Variants in PPEF1 observed in about 807,000 individuals in gnomAD.
PPEF1 encodes serine/threonine-protein phosphatase with EF-hands 1.
PPEF1 carries 12 observed loss-of-function variants against 53.3 expected under a neutral mutation model. That is an observed-to-expected ratio of 0.23 (90% CI 0.14 to 0.36). The LOEUF (loss-of-function observed/expected upper bound fraction) is 0.36, where lower values mean the gene tolerates loss of function less well. PPEF1 is among the 10% of genes least tolerant of loss of function. The pLI, the probability that PPEF1 is intolerant of heterozygous loss-of-function variation, is 1.00. For missense variants in PPEF1, 334 were observed against 490.4 expected, an observed-to-expected ratio of 0.68 and a Z score of 3.01; for synonymous variants, 165 against 176.7, an observed-to-expected ratio of 0.93 and a Z score of 0.52.
At chrX:18,776,877 G>A (rs1330326299) in intron 6 of PPEF1, among the ~76,000 whole-genome samples, 4 of 111,268 alleles carry the variant, frequency 3.6e-5, no homozygotes, top group South Asian at 3.8e-4. Context: ...CTGAGATCGC[G>A]CCATTGCACT....
At chrX:18,711,008 GTGTGTGTGTA>G (rs1242334446) in intron 1 of PPEF1, among the ~76,000 whole-genome samples, 5 of 108,899 alleles carry the variant, frequency 4.6e-5, no homozygotes, top group African/African-American at 1.7e-4. Context: ...GTATATATGT[GTGTGTGTGTA>G]TGTGTGTGTA....
chrX:18,685,970 T>G (rs1208434302), intron 2 of PPEF1, among the ~76,000 whole-genome samples: 2 of 111,639 alleles, frequency 1.8e-5, no homozygotes, highest in Non-Finnish European at 3.8e-5. Context: ...TGAAAATTGA[T>G]TGTGAATCTT....
At chrX:18,826,104 C>T (rs1158473969) in intron 15 of PPEF1, among the ~76,000 whole-genome samples, 1 of 111,576 alleles carries the variant, frequency 9.0e-6, no homozygotes, top group East Asian at 2.8e-4. Context: ...TAATCTGGTT[C>T]TCTGAAATCA....
intron 6 of PPEF1, among the ~76,000 whole-genome samples, chrX:18,762,217 G>T (rs1035410195): frequency 9.0e-6 from 1 of 111,292 alleles, no homozygotes; most frequent in African/African-American, 3.3e-5. Context: ...TTTGCTTCAG[G>T]GATGGCTGAC....
intron 13 of PPEF1, among the ~76,000 whole-genome samples, chrX:18,819,235 T>A (rs1045503558): frequency 8.9e-6 from 1 of 112,002 alleles, no homozygotes; most frequent in East Asian, 2.8e-4. Flanking sequence ...AGCAAATAAA[T>A]ATGTTCAAAG....
chrX:18,813,303 C>T (rs746643375), intron 12 of PPEF1, among the ~76,000 whole-genome samples: 92 of 101,235 alleles, frequency 9.1e-4, no homozygotes, highest in African/African-American at 3.2e-3. Context: ...GGCTTGAACC[C>T]GGGAGGCGGA....
chrX:18,806,676 T>C (rs2239437), intron 12 of PPEF1, 131 bp downstream of exon 12: 3 of 671,593 alleles, frequency 4.5e-6, no homozygotes, highest in Non-Finnish European at 6.2e-6. Context: ...CAACAAAATG[T>C]AAATAGTTCC....
chrX:18,754,244 A>T (rs1238368215), intron 4 of PPEF1, among the ~76,000 whole-genome samples: 1 of 111,387 alleles, frequency 9.0e-6, no homozygotes, highest in African/African-American at 3.3e-5. Context: ...AGTATTTTCC[A>T]GAGTTCTGAC....
intron 12 of PPEF1, among the ~76,000 whole-genome samples, chrX:18,812,708 T>C (rs912095234): frequency 5.3e-5 from 6 of 112,168 alleles, no homozygotes; most frequent in African/African-American, 1.6e-4. Context: ...TTTGCTAAAT[T>C]TATTTCTAAA....
intron 13 of PPEF1, among the ~76,000 whole-genome samples, chrX:18,822,973 T>G (rs111901974): frequency 9.0e-6 from 1 of 111,495 alleles, no homozygotes; most frequent in African/African-American, 3.3e-5. Flanking sequence ...TGGGAAGACT[T>G]TCCCTATTAT....
At chrX:18,761,608 T>C (rs775333103) in intron 6 of PPEF1, 32 bp downstream of exon 6, 16 of 1,101,515 alleles carry the variant, frequency 1.5e-5, no homozygotes, top group Non-Finnish European at 1.9e-5. Flanking sequence ...TATTAACATT[T>C]TTCTTGGGGG....
upstream of PPEF1, among the ~76,000 whole-genome samples, chrX:18,704,748 T>C (rs1276939906): frequency 9.0e-6 from 1 of 111,698 alleles, no homozygotes; most frequent in Non-Finnish European, 1.9e-5. Context: ...TCTGGAAAAC[T>C]GAAAAAAATC....
chrX:18,686,855 C>A, intron 3 of PPEF1, among the ~76,000 whole-genome samples: 1 of 91,785 alleles, frequency 1.1e-5, no homozygotes, highest in Admixed American at 1.4e-4. Flanking sequence ...AAATAGAACA[C>A]CAGGGGCTTA....
intron 3 of PPEF1, among the ~76,000 whole-genome samples, chrX:18,689,436 C>T (rs1890203665): frequency 1.9e-5 from 2 of 105,456 alleles, no homozygotes; most frequent in African/African-American, 6.9e-5. Flanking sequence ...GAGCTATGAT[C>T]GCGCCACTGC....
intron 1 of PPEF1, among the ~76,000 whole-genome samples, chrX:18,710,552 A>G (rs764165642): frequency 2.0e-4 from 22 of 112,229 alleles, no homozygotes. Flanking sequence ...AGGCATACAA[A>G]TGGCTAACAA....
chrX:18,781,428 A>G (rs1407741665), intron 7 of PPEF1, among the ~76,000 whole-genome samples: 4 of 111,139 alleles, frequency 3.6e-5, no homozygotes, highest in African/African-American at 1.3e-4. Context: ...GGTAGAGGAG[A>G]GCTTGCAAAA....
intron 6 of PPEF1, among the ~76,000 whole-genome samples, chrX:18,771,638 A>G (rs771353921): frequency 1.8e-5 from 2 of 111,224 alleles, no homozygotes; most frequent in Non-Finnish European, 3.8e-5. Flanking sequence ...GCCTTGAGCA[A>G]TGCTGGGGTT....
At chrX:18,730,594 G>A (rs1447598644) in intron 2 of PPEF1, among the ~76,000 whole-genome samples, 1 of 111,486 alleles carries the variant, frequency 9.0e-6, no homozygotes, top group Non-Finnish European at 1.9e-5. Flanking sequence ...GCCTTAATAG[G>A]AAATAAAGTT....
At chrX:18,718,725 G>A (rs978565847) in intron 1 of PPEF1, among the ~76,000 whole-genome samples, 39 of 112,167 alleles carry the variant, frequency 3.5e-4, no homozygotes, top group African/African-American at 1.2e-3. Context: ...TTTCCAGTTG[G>A]GTCATGTTAA....
Sources: allele counts gnomAD v4.1 joint callset (sites outside exome capture counted in the v4.1 genomes callset), GRCh38; gene constraint gnomAD v4.1.1; transcripts MANE v1.5; gene names NCBI Gene and HGNC (gene_info 2026-07-23, HGNC 2026-07-21).